RPS6KA5: variants seen among roughly 807,000 people sequenced by gnomAD.
RPS6KA5 encodes ribosomal protein S6 kinase alpha-5.
A neutral mutation model predicts 85.5 loss-of-function variants in RPS6KA5; 27 were observed. That is an observed-to-expected ratio of 0.32 (90% CI 0.23 to 0.44). RPS6KA5 has a LOEUF of 0.44. Ranked by LOEUF, RPS6KA5 falls within the 20% of genes least tolerant of loss-of-function variation. RPS6KA5 has a pLI of 1.00. For synonymous variants in RPS6KA5, 334 were observed against 348.2 expected (o/e 0.96, Z 0.46); for missense variants, 811 against 980.9 (o/e 0.83, Z 2.31).
At chr14:90,961,098 A>C (rs1172930583) in intron 3 of RPS6KA5, among the ~76,000 whole-genome samples, 2 of 152,238 alleles carry the variant, frequency 1.3e-5, no homozygotes, top group Non-Finnish European at 2.9e-5. Context: ...TTTGTATCTG[A>C]ACACAGCCCA....
intron 3 of RPS6KA5, among the ~76,000 whole-genome samples, chr14:90,962,854 C>T (rs1412292325): frequency 1.3e-5 from 2 of 152,140 alleles, no homozygotes; most frequent in African/African-American, 2.4e-5. Flanking sequence ...GCTGAGAATA[C>T]GTTGGAGATA....
At chr14:90,965,694 G>A (rs2039029470) in intron 3 of RPS6KA5, among the ~76,000 whole-genome samples, 1 of 152,096 alleles carries the variant, frequency 6.6e-6, no homozygotes, top group Non-Finnish European at 1.5e-5. Flanking sequence ...TGACACACGA[G>A]GAAAGCTTAG....
chr14:90,886,489 C>CAGGTTAAATGAGGTTA (rs1467983434), intron 14 of RPS6KA5, among the ~76,000 whole-genome samples: 18 of 152,124 alleles, frequency 1.2e-4, no homozygotes, highest in Non-Finnish European at 1.0e-4. Context: ...AGGGAGGTAA[C>CAGGTTAAATGAGGTTA]TAAGGTTAAA....
intron 2 of RPS6KA5, among the ~76,000 whole-genome samples, chr14:90,988,489 T>C (rs1396938886): frequency 2.6e-5 from 4 of 152,182 alleles, no homozygotes; most frequent in Non-Finnish European, 4.4e-5. Context: ...ACTAAGATGG[T>C]TCAGAATCTA....
chr14:91,014,175 T>C (rs1280704526), intron 1 of RPS6KA5, among the ~76,000 whole-genome samples: 1 of 152,094 alleles, frequency 6.6e-6, no homozygotes, highest in Non-Finnish European at 1.5e-5. Context: ...ATTAGGGCTT[T>C]AAAGTAAAAA....
At chr14:90,891,875 T>C (rs1245123191) in intron 13 of RPS6KA5, among the ~76,000 whole-genome samples, 1 of 152,226 alleles carries the variant, frequency 6.6e-6, no homozygotes, top group African/African-American at 2.4e-5. Context: ...TGTAAGGCAC[T>C]GTCCACACAG....
intron 3 of RPS6KA5, 33 bp from the exon 4 acceptor site, chr14:90,947,583 A>T: frequency 8.1e-7 from 1 of 1,231,786 alleles, no homozygotes; most frequent in Non-Finnish European, 1.2e-6. Context: ...TTTCTTAAAC[A>T]TGCATTCATA....
At chr14:91,027,024 G>C (rs949329245) in intron 1 of RPS6KA5, among the ~76,000 whole-genome samples, 2 of 152,132 alleles carry the variant, frequency 1.3e-5, no homozygotes, top group African/African-American at 4.8e-5. Flanking sequence ...CTGGATATTA[G>C]GCCTTTGTCA....
At chr14:91,049,291 C>T (rs2139935166) in intron 1 of RPS6KA5, among the ~76,000 whole-genome samples, 1 of 152,332 alleles carries the variant, frequency 6.6e-6, no homozygotes, top group East Asian at 1.9e-4. Flanking sequence ...GTTCTTCCTA[C>T]TCTTCTCAAA....
rs78621830 is a variant in RPS6KA5 at position 90,867,655 on chromosome 14, C to G, written c.*4419G>C. On this transcript the variant is annotated 3_prime_UTR_variant, in exon 17 of 17. Transcript: ENST00000614987. ...CTTGTCTTTTAATACAAGTCTCCTT[C>G]TAGACACAAAATCCTAGCTTTTTGT... 2.0e-5 allele frequency: 3 copies of G among 152,306 alleles called. No homozygotes were observed. The East Asian group carries it at 5.8e-4, about 29-fold the overall frequency. 9.4% of individuals were successfully genotyped at this position (152,306 alleles called of 1,614,324 possible).
chr14:90,992,044 G>A (rs117030553), intron 2 of RPS6KA5, among the ~76,000 whole-genome samples: 1,887 of 152,162 alleles, frequency 0.012, 15 homozygotes, highest in Non-Finnish European at 0.021. Context: ...AACCTTACAT[G>A]ACACATGAAG....
intron 14 of RPS6KA5, among the ~76,000 whole-genome samples, chr14:90,878,016 G>A (rs4143886): frequency 0.15 from 22,867 of 151,960 alleles, 2,137 homozygotes; most frequent in East Asian, 0.26. Flanking sequence ...CTTTCTTCAC[G>A]ATCTTATTCT....
chr14:90,959,233 T>C (rs1230864307), intron 3 of RPS6KA5, among the ~76,000 whole-genome samples: 4 of 152,220 alleles, frequency 2.6e-5, no homozygotes, highest in African/African-American at 7.2e-5. Flanking sequence ...TATTGTCATC[T>C]ATGTGAACAG....
intron 1 of RPS6KA5, among the ~76,000 whole-genome samples, chr14:91,009,955 A>G (rs1490429178): frequency 2.6e-5 from 4 of 152,194 alleles, no homozygotes; most frequent in African/African-American, 9.6e-5. Flanking sequence ...ATCAAAAAAG[A>G]AGTATCAATG....
At chr14:90,917,645 T>C (rs540456730) in intron 7 of RPS6KA5, among the ~76,000 whole-genome samples, 1 of 152,304 alleles carries the variant, frequency 6.6e-6, no homozygotes, top group South Asian at 2.1e-4. Context: ...TGGAATCATA[T>C]GGTATATATT....
chr14:90,898,654 A>C (rs1362532132), intron 12 of RPS6KA5, among the ~76,000 whole-genome samples: 1 of 152,204 alleles, frequency 6.6e-6, no homozygotes, highest in Admixed American at 6.5e-5. Context: ...TGTCTTAAGT[A>C]GGACTGCATC....
intron 7 of RPS6KA5, among the ~76,000 whole-genome samples, chr14:90,916,679 TCA>T (rs10615964): frequency 0.73 from 109,821 of 150,572 alleles, 40,395 homozygotes; most frequent in East Asian, 0.97. Context: ...TAAATTTCTG[TCA>T]CACACACACA....
chr14:91,013,807 A>G (rs543651600), intron 1 of RPS6KA5, among the ~76,000 whole-genome samples: 2 of 152,374 alleles, frequency 1.3e-5, no homozygotes, highest in South Asian at 4.1e-4. Context: ...CAGTGAAGCC[A>G]ATGTACAGGT....
At chr14:91,005,671 T>A (rs1206342089) in intron 1 of RPS6KA5, among the ~76,000 whole-genome samples, 1 of 152,242 alleles carries the variant, frequency 6.6e-6, no homozygotes, top group Non-Finnish European at 1.5e-5. Flanking sequence ...TTTTCATTCC[T>A]ATGCTATTAT....
Sources: gnomAD v4.1 joint callset for allele counts (sites outside exome capture counted in the v4.1 genomes callset) on GRCh38, gnomAD v4.1.1 for gene constraint, MANE v1.5 for transcripts, NCBI Gene and HGNC (gene_info 2026-07-23, HGNC 2026-07-21) for gene names.